Variants in ABCC8 observed in about 807,000 individuals in gnomAD.
ABCC8 encodes the protein ATP binding cassette subfamily C member 8.
ABCC8 carries 137 observed loss-of-function variants against 188.0 expected under a neutral mutation model. The ratio of observed to expected loss-of-function variants is 0.73; its 90% confidence interval spans 0.63 to 0.84. ABCC8 has a LOEUF of 0.84. Ranked by LOEUF, ABCC8 falls within the 40% of genes least tolerant of loss-of-function variation. ABCC8 has a pLI of 0.00. For synonymous variants in ABCC8, 797 were observed against 846.5 expected (o/e 0.94, Z 1.01); for missense variants, 1,750 against 2,072.7 (o/e 0.84, Z 3.02).
chr11:17,426,138 A>G (rs928004241), intron 16 of ABCC8, among the ~76,000 whole-genome samples: 2 of 152,226 alleles, frequency 1.3e-5, no homozygotes, highest in Admixed American at 6.5e-5. Flanking sequence ...TAGTGCTGCA[A>G]TAAACATACG....
intron 29 of ABCC8, among the ~76,000 whole-genome samples, chr11:17,399,298 A>AC (rs1387501255): frequency 0.043 from 5,389 of 124,620 alleles, 280 homozygotes; most frequent in Middle Eastern, 0.061. Context: ...AAAAAAAAAA[A>AC]AAAAAACAAA....
intron 10 of ABCC8, among the ~76,000 whole-genome samples, chr11:17,436,953 T>C (rs1956123773): frequency 6.6e-6 from 1 of 151,768 alleles, no homozygotes; most frequent in African/African-American, 2.4e-5. Flanking sequence ...TAGCCAGGCG[T>C]GGTGGCGCAT....
intron 17 of ABCC8, among the ~76,000 whole-genome samples, chr11:17,416,342 A>G (rs1429452181): frequency 6.6e-6 from 1 of 152,184 alleles, no homozygotes; most frequent in Non-Finnish European, 1.5e-5. Context: ...TAAAGCAACA[A>G]GACTGAATTT....
rs759640998 is a variant in ABCC8 at position 17,476,711 on chromosome 11, G to A, written c.66C>T (p.Leu22=). Residue 22 remains leucine, a synonymous_variant, in exon 1 of 39, where the codon CTC becomes CTT. Coordinates refer to ENST00000389817, the MANE Select transcript of ABCC8 (RefSeq NM_000352.6). ...SAAYRVDQGV[L]NNGCFVDALN... The stretch of plus-strand genomic sequence containing the variant: ...GCGCGTCCACAAAGCAGCCGTTGTT[G>A]AGGACCCCCTGGTCCACCCGGTAGG... The A allele has an allele frequency of 3.7e-6, 6 of 1,611,184 alleles. No individual in the cohort carries two copies. In the South Asian group the frequency reaches 6.6e-5, roughly 18 times the overall value.
intron 19 of ABCC8, among the ~76,000 whole-genome samples, chr11:17,414,193 A>G (rs774842933): frequency 2.0e-5 from 3 of 152,188 alleles, no homozygotes; most frequent in Non-Finnish European, 2.9e-5. Context: ...CATTGGAGGG[A>G]AAATAGTGCA....
rs552359789 is a variant in ABCC8, at chr11:17,396,730, G to A, written c.4119+186C>T. The A allele has an allele frequency of 7.0e-5, 50 of 714,704 alleles. No individual in the cohort carries two copies. The African/African-American group carries it at 8.2e-4, about 12-fold the overall frequency. The allele number at this position is 714,704 out of a possible 1,614,324, so 44.3% of individuals were successfully genotyped here. On this transcript the variant is annotated intron_variant, in intron 33 of 38. Transcript: ENST00000389817. Reference sequence around the variant, plus strand: ...ACAAGGCCTGAGGGCAGCACTGGGGGAAGGCAATAGAAGGAGAGGAAAGAT... The same window carrying A: ...ACAAGGCCTGAGGGCAGCACTGGGGAAAGGCAATAGAAGGAGAGGAAAGAT...
In ABCC8 at chr11:17,472,954, C is replaced by T. The variant is rs1162828249; in HGVS notation, c.290+1932G>A. On this transcript the variant is annotated intron_variant, in intron 2 of 38. Coordinates refer to ENST00000389817, the MANE Select transcript of ABCC8 (RefSeq NM_000352.6). ...TCATGAATGGCCACACTGGGAACAG[C>T]CAACACCCTGCCCAGGGATCTTCAA... 3.9e-5 allele frequency among the ~76,000 whole-genome samples: 6 copies of T among 152,180 alleles called. No individual in the cohort carries two copies. The East Asian group carries it at 1.2e-3, about 29-fold the overall frequency.
chr11:17,466,170 G>A lies in ABCC8; in HGVS notation c.413-2566C>T, dbSNP rs543535254. Among the ~76,000 whole-genome samples, 23 of 152,254 alleles carry A rather than the reference G, an allele frequency of 1.5e-4. No individual in the cohort carries two copies. The South Asian group carries it at 3.9e-3, about 26-fold the overall frequency. On this transcript the variant is annotated intron_variant, in intron 3 of 38. Transcript: ENST00000389817. ...AATCCGAGCACTTTGGGAGGCCGAGGTGGGCAGATCACAAGATCAGGAGTT... is the reference window on the plus strand; with the variant it reads ...AATCCGAGCACTTTGGGAGGCCGAGATGGGCAGATCACAAGATCAGGAGTT...
intron 29 of ABCC8, among the ~76,000 whole-genome samples, 156 bp downstream of exon 29, chr11:17,402,505 T>C (rs1954295740): frequency 6.6e-6 from 1 of 152,226 alleles, no homozygotes. Context: ...CTGTCCCTGC[T>C]GGTGGATATC....
chr11:17,456,835 A>G lies in ABCC8; in HGVS notation c.1012-3552T>C, dbSNP rs1245328377. Among the ~76,000 whole-genome samples the G allele has an allele frequency of 2.0e-5, 3 of 152,308 alleles. 1 individual carries two copies. The highest frequency in any genetic ancestry group is 6.8e-3 in the Middle Eastern group (2 of 294). ...ATGTGAAAAAACAGTAAGTGTAAGC[A>G]CTCAATATATAGTAATTGCTGCATT... On this transcript the variant is annotated intron_variant, in intron 6 of 38. Transcript: ENST00000389817.
chr11:17,453,523 G>T (rs1351424375), intron 6 of ABCC8, among the ~76,000 whole-genome samples: 1 of 152,144 alleles, frequency 6.6e-6, no homozygotes, highest in Admixed American at 6.5e-5. Context: ...GAACAGAATG[G>T]GGCCCAATTA....
At chr11:17,425,093 G>A (rs964181592) in intron 16 of ABCC8, among the ~76,000 whole-genome samples, 1 of 152,214 alleles carries the variant, frequency 6.6e-6, no homozygotes, top group African/African-American at 2.4e-5. Flanking sequence ...TCCAAAGGCT[G>A]GAGAGGCAGT....
Position 17,412,649 on chromosome 11 carries a change from A to G in ABCC8, c.2556+17T>C, listed in dbSNP as rs374812726. ...GAGGCAGCCAGAGACCAGGACCCCA[A>G]GGGAACTTGCACTCACCAAGAAGAC... On this transcript the variant is annotated intron_variant, in intron 21 of 38. Transcript: ENST00000389817. 18 of 1,607,750 alleles carry G rather than the reference A, an allele frequency of 1.1e-5. No individual in the cohort carries two copies. Among genetic ancestry groups the G allele is most frequent in the Middle Eastern group, 1.7e-4 (1 of 6,058 alleles).
intron 26 of ABCC8, among the ~76,000 whole-genome samples, chr11:17,405,835 T>A (rs1266051374): frequency 6.6e-6 from 1 of 152,136 alleles, no homozygotes; most frequent in East Asian, 1.9e-4. Context: ...TCAGCAGCTG[T>A]CCTCCTGGGA....
chr11:17,443,826 A>G (rs765899524), intron 8 of ABCC8, among the ~76,000 whole-genome samples: 2 of 152,212 alleles, frequency 1.3e-5, no homozygotes, highest in Non-Finnish European at 2.9e-5. Context: ...TCTGCCAGGT[A>G]TTCCCTGAAA....
intron 26 of ABCC8, 67 bp from the exon 27 acceptor site, chr11:17,405,630 A>G (rs1168684377): frequency 1.2e-6 from 2 of 1,612,752 alleles, no homozygotes; most frequent in African/African-American, 1.3e-5. Context: ...ACTGAATGAG[A>G]TAGTTAATTA....
chr11:17,447,086 A>G (rs1396161831), intron 8 of ABCC8, among the ~76,000 whole-genome samples: 2 of 152,252 alleles, frequency 1.3e-5, no homozygotes, highest in East Asian at 3.8e-4. Flanking sequence ...TCATAGATAA[A>G]GAAACCAAGG....
At chr11:17,467,818 T>A (rs905579150) in intron 3 of ABCC8, among the ~76,000 whole-genome samples, 1 of 152,240 alleles carries the variant, frequency 6.6e-6, no homozygotes, top group Admixed American at 6.5e-5. Context: ...CTGTGGAGTG[T>A]CCTTTCAAGG....
intron 29 of ABCC8, among the ~76,000 whole-genome samples, chr11:17,399,742 C>T (rs1273069185): frequency 1.3e-5 from 2 of 152,244 alleles, no homozygotes; most frequent in African/African-American, 4.8e-5. Flanking sequence ...TACCCCAGCA[C>T]CTGGCACTAT....
Sources: allele counts gnomAD v4.1 joint callset (sites outside exome capture counted in the v4.1 genomes callset), GRCh38; gene constraint gnomAD v4.1.1; transcripts MANE v1.5; gene names NCBI Gene and HGNC (gene_info 2026-07-23, HGNC 2026-07-21).